Variants in CLNK observed in about 807,000 individuals in gnomAD.
The protein encoded by CLNK is cytokine dependent hematopoietic cell linker, also known as cytokine-dependent hematopoietic cell linker.
A neutral mutation model predicts 68.6 loss-of-function variants in CLNK; 74 were observed. The ratio of observed to expected loss-of-function variants is 1.08; its 90% CI spans 0.89 to 1.31. CLNK has a LOEUF of 1.31. Among genes scored for constraint, CLNK ranks in the 50% most tolerant of loss-of-function variants. The pLI is 0.00. For missense variants in CLNK, 553 were observed against 515.3 expected, an observed-to-expected ratio of 1.07 and a Z score of -0.71; for synonymous variants, 198 against 172.2, an observed-to-expected ratio of 1.15 and a Z score of -1.17.
At chr4:10,504,546 C>A (rs184475668) in intron 17 of CLNK, among the ~76,000 whole-genome samples, 157 of 152,294 alleles carry the variant, frequency 1.0e-3, no homozygotes, top group South Asian at 3.7e-3. Context: ...AAATGGAATA[C>A]CGAAAAGCCA....
intron 8 of CLNK, 32 bp downstream of exon 8, chr4:10,558,375 T>TA (rs1719757903): frequency 6.2e-7 from 1 of 1,601,346 alleles, no homozygotes; most frequent in Admixed American, 1.7e-5. Context: ...TTTTCATACT[T>TA]ACATTTTAAA....
intron 4 of CLNK, among the ~76,000 whole-genome samples, chr4:10,580,911 C>T (rs763754529): frequency 5.9e-5 from 9 of 152,220 alleles, no homozygotes; most frequent in Middle Eastern, 3.4e-3. Flanking sequence ...CGTGGGTTTA[C>T]GGTGATGATC....
chr4:10,617,094 C>T (rs1400814867), intron 2 of CLNK, among the ~76,000 whole-genome samples: 2 of 151,884 alleles, frequency 1.3e-5, no homozygotes, highest in South Asian at 4.2e-4. Context: ...AGTGAGTGCA[C>T]AATATAAGTT....
chr4:10,508,057 T>A, intron 16 of CLNK, 21 bp from the exon 17 acceptor site: 1 of 1,583,338 alleles, frequency 6.3e-7, no homozygotes, highest in Non-Finnish European at 8.6e-7. Context: ...GAATCAATGA[T>A]AAATATTTTA....
chr4:10,707,659 G>A, the CLNK span, among the ~76,000 whole-genome samples: 1 of 152,058 alleles, frequency 6.6e-6, no homozygotes, highest in Admixed American at 6.6e-5. Context: ...TGGTTCCCTG[G>A]GCCATGGTCA....
intron 2 of CLNK, among the ~76,000 whole-genome samples, chr4:10,658,479 C>G (rs1361463274): frequency 6.6e-6 from 1 of 152,156 alleles, no homozygotes. Flanking sequence ...GGGGGGTTTC[C>G]TCTAGGGGTC....
intron 2 of CLNK, among the ~76,000 whole-genome samples, chr4:10,607,377 T>C (rs1721829932): frequency 6.6e-6 from 1 of 152,128 alleles, no homozygotes; most frequent in African/African-American, 2.4e-5. Flanking sequence ...CATTTGGCCA[T>C]AGTACAATCT....
intron 14 of CLNK, among the ~76,000 whole-genome samples, chr4:10,522,814 C>G (rs1265931196): frequency 6.6e-6 from 1 of 152,162 alleles, no homozygotes; most frequent in Non-Finnish European, 1.5e-5. Flanking sequence ...AGTAAAAGGT[C>G]ATGTAAATGA....
chr4:10,583,380 G>A (rs1192536855), intron 4 of CLNK, among the ~76,000 whole-genome samples: 1 of 151,972 alleles, frequency 6.6e-6, no homozygotes, highest in Non-Finnish European at 1.5e-5. Context: ...TCCATCTCCC[G>A]GGTTCAAGTG....
intron 8 of CLNK, among the ~76,000 whole-genome samples, chr4:10,548,768 T>C (rs1436659264): frequency 6.6e-6 from 1 of 152,244 alleles, no homozygotes; most frequent in Non-Finnish European, 1.5e-5. Flanking sequence ...CTCTCCACTA[T>C]TTGAAGAGAC....
intron 2 of CLNK, among the ~76,000 whole-genome samples, chr4:10,624,475 A>G (rs531860514): frequency 4.0e-5 from 6 of 151,582 alleles, no homozygotes; most frequent in Non-Finnish European, 5.9e-5. Flanking sequence ...TGTATTTTTA[A>G]TAGAGACGGG....
intron 5 of CLNK, among the ~76,000 whole-genome samples, chr4:10,568,133 A>G (rs1267235573): frequency 1.3e-5 from 2 of 152,256 alleles, no homozygotes; most frequent in Non-Finnish European, 2.9e-5. Context: ...AAATAACCCA[A>G]GTATCCATGA....
chr4:10,662,958 TG>T lies in CLNK; in HGVS notation c.11+4900del, dbSNP rs1276032696. On this transcript the variant is annotated intron_variant, in intron 2 of 18. Transcript: ENST00000226951. ...TTTGCTCTCTGATCTATCCCCAATC[TG>T]GGATGTGCAAGAGTGACTTTCACCC... Among the ~76,000 whole-genome samples, 103 of 152,324 alleles carry T rather than the reference TG, an allele frequency of 6.8e-4. 1 individual carries two copies. Among genetic ancestry groups the T allele is most frequent in the Admixed American group, 6.7e-3 (102 of 15,306 alleles).
chr4:10,691,219 A>G, the CLNK span, among the ~76,000 whole-genome samples: 2 of 152,154 alleles, frequency 1.3e-5, no homozygotes, highest in African/African-American at 2.4e-5. Flanking sequence ...ATTGGGGTAT[A>G]CATAATATGT....
At chr4:10,539,279 G>A (rs1176317786) in intron 11 of CLNK, among the ~76,000 whole-genome samples, 1 of 152,210 alleles carries the variant, frequency 6.6e-6, no homozygotes, top group Non-Finnish European at 1.5e-5. Context: ...TTATGCTTGT[G>A]TGGGGCTGTA....
Position 10,499,579 on chromosome 4 carries a change from G to A in CLNK, c.1140+1677C>T, listed in dbSNP as rs557500546. ...GAAGCCTGTTGGCAGCCCTAGCAAT[G>A]TGCCCTATTTTGTTATCTGTTGAAG... On this transcript the variant is annotated intron_variant, in intron 18 of 18. Coordinates refer to ENST00000226951, the MANE Select transcript of CLNK (RefSeq NM_052964.4). 5.9e-5 allele frequency among the ~76,000 whole-genome samples: 9 copies of A among 152,312 alleles called. No individual in the cohort carries two copies. The South Asian group carries it at 1.7e-3, about 28-fold the overall frequency.
chr4:10,734,041 A>G, the CLNK span, among the ~76,000 whole-genome samples: 1 of 152,216 alleles, frequency 6.6e-6, no homozygotes, highest in Non-Finnish European at 1.5e-5. Context: ...ATAGGAGAAG[A>G]CAAACCACTA....
the CLNK span, among the ~76,000 whole-genome samples, chr4:10,717,526 G>A: frequency 5.9e-5 from 9 of 152,086 alleles, no homozygotes; most frequent in Non-Finnish European, 1.0e-4. Context: ...AACCCGGGAG[G>A]CAGAGGTTGC....
chr4:10,542,301 GC>G, intron 8 of CLNK, 21 bp from the exon 9 acceptor site: 1 of 1,505,778 alleles, frequency 6.6e-7, no homozygotes, highest in Admixed American at 2.0e-5. Flanking sequence ...AGAGGGAATA[GC>G]AGTGAATTTA....
Sources: gnomAD v4.1 joint callset for allele counts (sites outside exome capture counted in the v4.1 genomes callset) on GRCh38, gnomAD v4.1.1 for gene constraint, MANE v1.5 for transcripts, NCBI Gene and HGNC (gene_info 2026-07-23, HGNC 2026-07-21) for gene names.